The following CAD variants were observed in gnomAD, a reference collection of about 807,000 sequenced individuals.
The protein encoded by CAD is multifunctional protein CAD.
In CAD, 81 loss-of-function variants were observed where a neutral mutation model predicts 237.2. The observed-to-expected ratio is 0.34, with a 90% CI of 0.29 to 0.41. CAD has a LOEUF of 0.41. Ranked by LOEUF, CAD falls within the 10% of genes least tolerant of loss-of-function variation. The pLI is 1.00. For synonymous variants in CAD, 1,196 were observed against 1,162.8 expected, an observed-to-expected ratio of 1.03 and a Z score of -0.58; for missense variants, 2,181 against 2,951.7, an observed-to-expected ratio of 0.74 and a Z score of 6.05.
rs1360308012 is a variant in CAD, at chr2:27,236,455, C to T, written c.4246C>T (p.Arg1416Ter). ...SSFVTKGYRT[R>*]RLAADFSVPL... Reference sequence around the variant, plus strand: ...CTTTGTCACCAAGGGCTACCGCACCCGACGCTTGGCCGCTGACTTCTCCGT... The same window carrying T: ...CTTTGTCACCAAGGGCTACCGCACCTGACGCTTGGCCGCTGACTTCTCCGT... The change falls in exon 26 of 44, where the codon CGA (arginine) becomes TGA (stop). Residue 1416 changes from arginine to a stop codon, truncating the protein, a stop_gained. Transcript: ENST00000264705. LOFTEE classifies it high-confidence loss of function. The surrounding 1 kb of genome is among the most constrained non-coding windows in gnomAD (Gnocchi z 4.1). 2.5e-6 allele frequency: 4 copies of T among 1,613,948 alleles called. No individual in the cohort carries two copies. The highest frequency in any genetic ancestry group is 2.2e-5 in the East Asian group (1 of 44,902).
chr2:27,240,484 G>A lies in CAD; in HGVS notation c.5593+123G>A, dbSNP rs3739094. On this transcript the variant is annotated intron_variant, in intron 35 of 43. Transcript: ENST00000264705. This position sits in a 1 kb window ranked among gnomAD's most constrained non-coding sequence, Gnocchi z 4.6. ...TCCCTTTATCCTCGTCTGATCTGCC[G>A]TGCCATCCTTTGCCTAAACAAGTCT... 7.7e-5 allele frequency: 114 copies of A among 1,488,816 alleles called. No homozygotes were observed. The highest frequency in any genetic ancestry group is 3.1e-4 in the African/African-American group (22 of 71,982). The allele number at this position is 1,488,816 out of a possible 1,614,324, so 92.2% of individuals were successfully genotyped here.
chr2:27,226,153 A>G lies in CAD; in HGVS notation c.1865A>G (p.Asp622Gly). 1 of 1,614,076 alleles carries G rather than the reference A, an allele frequency of 6.2e-7. No individual in the cohort carries two copies. Among genetic ancestry groups the G allele is most frequent in the Non-Finnish European group, 8.5e-7 (1 of 1,179,962 alleles). Residue 622 changes from aspartate to glycine, a missense_variant, in exon 13 of 44, where the codon GAC (aspartate) becomes GGC (glycine). By Grantham distance (94) the Asp-to-Gly change is moderately conservative (BLOSUM62 -1). This residue lies in a region of CAD where 385 missense variants were observed against 535.1 expected (regional missense o/e 0.72). Transcript: ENST00000264705. ...CVTVCNMENL[D>G]PLGIHTGESI... ...CAGGTGTGTAACATGGAGAACTTGG[A>G]CCCACTGGGCATCCACACTGGTGAG...
rs1347327220 is a variant in CAD at position 27,232,658 on chromosome 2, C to G, written c.2856C>G (p.Asp952Glu). Residue 952 changes from aspartate to glutamate, a missense_variant, in exon 18 of 44, where the codon GAC becomes GAG. Asp to Glu is a conservative substitution (Grantham distance 45, BLOSUM62 2). This residue lies in a region of CAD where 385 missense variants were observed against 535.1 expected (regional missense o/e 0.72). Coordinates refer to ENST00000264705, the MANE Select transcript of CAD (RefSeq NM_004341.5). This position sits in a 1 kb window ranked among gnomAD's most constrained non-coding sequence, Gnocchi z 4.1. ...VYRIGSSVEFDWCAVGCIQQL... is the reference protein window; with the variant it reads ...VYRIGSSVEFEWCAVGCIQQL... ...GTATTGGCTCTAGCGTTGAATTTGA[C>G]TGGTGTGCTGTAGGCTGCATCCAGC... is the stretch of plus-strand genomic sequence containing the variant. 2 of 1,614,224 alleles carry G rather than the reference C, an allele frequency of 1.2e-6. No individual in the cohort carries two copies. The highest frequency in any genetic ancestry group is 1.7e-6 in the Non-Finnish European group (2 of 1,180,032).
chr2:27,225,833 C>T lies in CAD; in HGVS notation c.1749C>T (p.Ala583=). Residue 583 remains alanine (A), a synonymous_variant, in exon 12 of 44, where the codon GCC becomes GCT. Transcript: ENST00000264705. ...ELSALVAPAF[A]HTSQVLVDKS... is the part of the protein sequence containing the mutation. ...CTGCTCTCGTGGCCCCAGCTTTTGC[C>T]CATACCAGCCAAGTGCTAGTAGACA... The T allele has an allele frequency of 6.2e-7, 1 of 1,614,194 alleles. No individual in the cohort carries two copies. The highest frequency in any genetic ancestry group is 8.5e-7 in the Non-Finnish European group (1 of 1,180,036).
Position 27,224,980 on chromosome 2 carries a change from G to A in CAD, c.1387-30G>A, listed in dbSNP as rs1288574256. 5 of 1,607,172 alleles carry A rather than the reference G, an allele frequency of 3.1e-6. No individual in the cohort carries two copies. The Admixed American group carries it at 8.3e-5, about 27-fold the overall frequency. The stretch of plus-strand genomic sequence containing the variant: ...ATTGCCTCTCTACCCACAAGGTTCT[G>A]ATGCCTGTAACTCCCCTCTCCATCC... On this transcript the variant is annotated intron_variant, in intron 10 of 43. Coordinates refer to ENST00000264705, the MANE Select transcript of CAD (RefSeq NM_004341.5).
Position 27,243,763 on chromosome 2 carries a change from A to AT in CAD, c.*246dup. The AT allele has an allele frequency of 1.9e-6, 1 of 526,388 alleles. No individual in the cohort carries two copies. Among genetic ancestry groups the AT allele is most frequent in the Non-Finnish European group, 3.4e-6 (1 of 296,260 alleles). 32.6% of individuals were successfully genotyped at this position (526,388 alleles called of 1,614,324 possible). On this transcript the variant is annotated 3_prime_UTR_variant, in exon 44 of 44. Transcript: ENST00000264705. ...GTACAGTCATTTTTCTACTGACTTA[A>AT]TAAACAGCCGAGCTGTCCCTTGATG...
chr2:27,233,190 G>T lies in CAD; in HGVS notation c.2991+50G>T, dbSNP rs372883832. The T allele has an allele frequency of 1.1e-4, 164 of 1,515,696 alleles. 2 individuals carry two copies. The African/African-American group carries it at 2.0e-3, about 19-fold the overall frequency. 93.9% of individuals were successfully genotyped at this position (1,515,696 alleles called of 1,614,324 possible). On this transcript the variant is annotated intron_variant, in intron 19 of 43. Transcript: ENST00000264705. This position sits in a 1 kb window ranked among gnomAD's most constrained non-coding sequence, Gnocchi z 6.3. ...TAGCTTGAGTGGCCAGGGTCGAGTA[G>T]AACAGCTGGCTGACCTAAGATTCTT...
rs1676379023 is a variant in CAD, at chr2:27,242,719, A to G, written c.6322A>G (p.Ser2108Gly). ...RVSLRYVAPP[S>G]LRMPPTVRAF... ...CAGCCTGCGCTACGTGGCACCTCCC[A>G]GCCTGCGCATGCCACCCACTGTGCG... The change falls in exon 41 of 44, where the codon AGC (serine) becomes GGC (glycine). Residue 2108 changes from serine to glycine, a missense_variant. Around this residue, in one of 12 missense-constraint regions of CAD, gnomAD observed 170 missense variants for 212.1 expected, o/e 0.80. Transcript: ENST00000264705. This position sits in a 1 kb window ranked among gnomAD's most constrained non-coding sequence, Gnocchi z 6.4. The G allele has an allele frequency of 1.2e-6, 2 of 1,614,152 alleles. No homozygotes were observed. The highest frequency in any genetic ancestry group is 2.7e-5 in the African/African-American group (2 of 75,054).
Position 27,237,982 on chromosome 2 carries a change from C to G in CAD, c.4729-74C>G, listed in dbSNP as rs551943499. ...GTAGCAGTGAGGATTCAGGGGAGCT[C>G]CTGGGGACTCTGGGCTCTGATGAGC... On this transcript the variant is annotated intron_variant, in intron 29 of 43. Transcript: ENST00000264705. This position sits in a 1 kb window ranked among gnomAD's most constrained non-coding sequence, Gnocchi z 4.0. 5.7e-4 allele frequency: 913 copies of G among 1,589,278 alleles called. 1 individual carries two copies. The highest frequency in any genetic ancestry group is 6.9e-4 in the Non-Finnish European group (809 of 1,164,682).
intron 15 of CAD, among the ~76,000 whole-genome samples, chr2:27,228,067 A>T (rs1381466855): frequency 1.3e-5 from 2 of 152,264 alleles, no homozygotes; most frequent in Non-Finnish European, 2.9e-5. Flanking sequence ...ACTACTGTTA[A>T]CATCGTAGTG....
chr2:27,221,385 A>C (rs371890060), intron 3 of CAD, 38 bp downstream of exon 3: 2 of 1,479,088 alleles, frequency 1.4e-6, no homozygotes, highest in East Asian at 5.0e-5. Flanking sequence ...GGCAGAGCAC[A>C]GCATGCCTGG....
Position 27,232,626 on chromosome 2 carries a change from G to A in CAD, c.2824G>A (p.Val942Ile), listed in dbSNP as rs2148077208. The change falls in exon 18 of 44, where the codon GTC becomes ATC. Residue 942 changes from valine (V) to isoleucine (I), a missense_variant. By Grantham distance (29) the Val-to-Ile change is conservative (BLOSUM62 3). Around this residue, in one of 12 missense-constraint regions of CAD, gnomAD observed 385 missense variants for 535.1 expected, o/e 0.72. Transcript: ENST00000264705. This position sits in a 1 kb window ranked among gnomAD's most constrained non-coding sequence, Gnocchi z 4.1. ...TCATGTCCTAGTCCTTGGCTCTGGCGTCTACCGTATTGGCTCTAGCGTTGA... is the reference window on the plus strand; with the variant it reads ...TCATGTCCTAGTCCTTGGCTCTGGCATCTACCGTATTGGCTCTAGCGTTGA... ...TPHVLVLGSGVYRIGSSVEFD... is the reference protein window; with the variant it reads ...TPHVLVLGSGIYRIGSSVEFD... The A allele has an allele frequency of 6.2e-7, 1 of 1,614,188 alleles. No homozygotes were observed. The highest frequency in any genetic ancestry group is 1.3e-5 in the African/African-American group (1 of 75,056).
Position 27,238,049 on chromosome 2 carries a change from C to T in CAD, c.4729-7C>T. The T allele has an allele frequency of 6.2e-7, 1 of 1,613,982 alleles. No individual in the cohort carries two copies. Among genetic ancestry groups the T allele is most frequent in the South Asian group, 1.1e-5 (1 of 91,064 alleles). Reference sequence around the variant, plus strand: ...CACACTCCTTCATCAGTTCTTTCTGCTCCCAGCATTTCGAGACATGGCCCT... The same window carrying T: ...CACACTCCTTCATCAGTTCTTTCTGTTCCCAGCATTTCGAGACATGGCCCT... On this transcript the variant is annotated splice_region_variant and splice_polypyrimidine_tract_variant and intron_variant, in intron 29 of 43. Coordinates refer to ENST00000264705, the MANE Select transcript of CAD (RefSeq NM_004341.5).
chr2:27,234,321 C>A, intron 22 of CAD, 95 bp downstream of exon 22: 2 of 1,295,184 alleles, frequency 1.5e-6, no homozygotes, highest in South Asian at 1.2e-5. Context: ...CTCCTGCCTT[C>A]ATCCAAGTAG....
At position 27,224,203 on chromosome 2, in the gene CAD, G is replaced by A. The variant is rs985857255; in HGVS notation, c.1109-142G>A. ...AAGCTTCTGTTGAAAGGAACTCCAG[G>A]GTCCTGGGTTCTGGTCCTCCCTCTG... On this transcript the variant is annotated intron_variant, in intron 8 of 43. Transcript: ENST00000264705. The A allele has an allele frequency of 2.3e-5, 22 of 973,328 alleles. 1 individual carries two copies. The Admixed American group carries it at 4.7e-4, about 21-fold the overall frequency. The allele number at this position is 973,328 out of a possible 1,614,324, so 60.3% of individuals were successfully genotyped here.
At chr2:27,234,987 G>A (rs913804828) in intron 23 of CAD, among the ~76,000 whole-genome samples, 1 of 152,172 alleles carries the variant, frequency 6.6e-6, no homozygotes, top group African/African-American at 2.4e-5. Flanking sequence ...GGGGTGATCT[G>A]GGAAGGCTTG....
chr2:27,223,510 G>C, intron 6 of CAD, 53 bp from the exon 7 acceptor site: 1 of 1,527,476 alleles, frequency 6.5e-7, no homozygotes, highest in South Asian at 1.1e-5. Flanking sequence ...GGTAGGTTCA[G>C]TAGTGAAGAG....
At position 27,242,701 on chromosome 2, in the gene CAD, C is replaced by T. The variant is rs769415044; in HGVS notation, c.6304C>T (p.Arg2102Cys). The T allele has an allele frequency of 1.1e-5, 17 of 1,614,156 alleles. No homozygotes were observed. Among genetic ancestry groups the T allele is most frequent in the South Asian group, 4.4e-5 (4 of 91,074 alleles). ...CLLTQYRVSL[R>C]YVAPPSLRMP... is the part of the protein sequence containing the mutation. ...GCTCACCCAGTATCGTGTCAGCCTGCGCTACGTGGCACCTCCCAGCCTGCG... is the reference window on the plus strand; with the variant it reads ...GCTCACCCAGTATCGTGTCAGCCTGTGCTACGTGGCACCTCCCAGCCTGCG... The change falls in exon 41 of 44, where the codon CGC becomes TGC. Residue 2102 changes from arginine to cysteine, a missense_variant. This residue lies in a region of CAD where 170 missense variants were observed against 212.1 expected (regional missense o/e 0.80). Transcript: ENST00000264705. This position sits in a 1 kb window ranked among gnomAD's most constrained non-coding sequence, Gnocchi z 6.4.
Position 27,233,562 on chromosome 2 carries a change from C to G in CAD, c.3216+26C>G, listed in dbSNP as rs756404773. On this transcript the variant is annotated intron_variant, in intron 20 of 43. Transcript: ENST00000264705. This position sits in a 1 kb window ranked among gnomAD's most constrained non-coding sequence, Gnocchi z 6.3. The stretch of plus-strand genomic sequence containing the variant: ...GTGGGCTGGGACCTGGTGGGTTACC[C>G]GGAGGCTGGATGATGCTTGGGGGAA... 6 of 1,613,662 alleles carry G rather than the reference C, an allele frequency of 3.7e-6. No homozygotes were observed. The highest frequency in any genetic ancestry group is 1.7e-5 in the Admixed American group (1 of 60,016).
Sources: gnomAD v4.1 joint callset for allele counts (sites outside exome capture counted in the v4.1 genomes callset) on GRCh38, gnomAD v4.1.1 for gene constraint, gnomAD v4.1.1 regional missense constraint, Gnocchi (gnomAD v3.1) non-coding constraint, MANE v1.5 for transcripts, NCBI Gene and HGNC (gene_info 2026-07-23, HGNC 2026-07-21) for gene names.